Variants in STON1 observed in about 807,000 individuals in gnomAD.
STON1 encodes the protein stonin 1.
A neutral mutation model predicts 60.9 loss-of-function variants in STON1; 79 were observed. The observed-to-expected ratio is 1.30, with a 90% CI of 1.08 to 1.56. The LOEUF (loss-of-function observed/expected upper bound fraction) is 1.56, where lower values mean the gene tolerates loss of function less well. Ranked by LOEUF, STON1 falls within the 40% of genes most tolerant of loss-of-function variation. The pLI, the probability that STON1 is intolerant of heterozygous loss-of-function variation, is 0.00. For synonymous variants in STON1, 363 were observed against 306.9 expected (o/e 1.18, Z -1.91); for missense variants, 1,166 against 858.9 (o/e 1.36, Z -4.47).
At chr2:48,573,213 C>A (rs145823909) in intron 1 of STON1, among the ~76,000 whole-genome samples, 115 of 152,286 alleles carry the variant, frequency 7.6e-4, no homozygotes, top group African/African-American at 2.6e-3. Context: ...CAGGGACTTT[C>A]ATTTTCTGTC....
intron 1 of STON1, among the ~76,000 whole-genome samples, chr2:48,537,049 A>G (rs1252180725): frequency 6.6e-6 from 1 of 152,204 alleles, no homozygotes; most frequent in Non-Finnish European, 1.5e-5. Context: ...TTCTATATAG[A>G]CAATCATAAA....
Position 48,555,222 on chromosome 2 carries a change from G to T in STON1, c.-48+25006G>T, listed in dbSNP as rs1257388827. 1.8e-5 allele frequency among the ~76,000 whole-genome samples: 2 copies of T among 109,214 alleles called. 1 individual carries two copies. Among genetic ancestry groups the T allele is most frequent in the Non-Finnish European group, 3.9e-5 (2 of 51,450 alleles). 71.6% of individuals were successfully genotyped at this position (109,214 alleles called of 152,430 possible). ...AAAGCCGCCATTGTCATCCTGGCCCGTTCTCAATGAGCTGTTGGGCACACC... is the reference window on the plus strand; with the variant it reads ...AAAGCCGCCATTGTCATCCTGGCCCTTTCTCAATGAGCTGTTGGGCACACC... On this transcript the variant is annotated intron_variant, in intron 1 of 3. Transcript: ENST00000404752.
At chr2:48,553,350 C>CCTTCTCTTCCCTTCT (rs1294821411) in intron 1 of STON1, among the ~76,000 whole-genome samples, 35 of 151,584 alleles carry the variant, frequency 2.3e-4, no homozygotes, top group African/African-American at 8.5e-4. Flanking sequence ...CTCTGTAGAC[C>CCTTCTCTTCCCTTCT]CTTCCCTTCC....
At chr2:48,574,958 T>C (rs1673398879) in intron 1 of STON1, among the ~76,000 whole-genome samples, 1 of 152,228 alleles carries the variant, frequency 6.6e-6, no homozygotes, top group Admixed American at 6.5e-5. Context: ...GTACAGCAAA[T>C]CTCTAGAACC....
At chr2:48,592,804 G>A (rs1420304705) in intron 3 of STON1, among the ~76,000 whole-genome samples, 1 of 151,778 alleles carries the variant, frequency 6.6e-6, no homozygotes, top group Non-Finnish European at 1.5e-5. Flanking sequence ...AAATAGAGAT[G>A]GGATCTCACT....
chr2:48,539,558 G>A (rs1671574121), intron 1 of STON1, among the ~76,000 whole-genome samples: 1 of 152,060 alleles, frequency 6.6e-6, no homozygotes, highest in Non-Finnish European at 1.5e-5. Context: ...CTGGAGTGCA[G>A]TGGTGTGATC....
At chr2:48,562,886 C>T (rs918626436) in intron 1 of STON1, among the ~76,000 whole-genome samples, 1 of 152,224 alleles carries the variant, frequency 6.6e-6, no homozygotes, top group Non-Finnish European at 1.5e-5. Context: ...GGAGCTTCCT[C>T]CTTGATAACT....
At chr2:48,541,714 A>C (rs1355715478) in intron 1 of STON1, among the ~76,000 whole-genome samples, 3 of 151,032 alleles carry the variant, frequency 2.0e-5, no homozygotes, top group Non-Finnish European at 4.4e-5. Flanking sequence ...AAAAAAAAAA[A>C]AAAAAAAAAC....
chr2:48,568,259 G>A (rs1437631485), intron 1 of STON1, among the ~76,000 whole-genome samples: 1 of 152,148 alleles, frequency 6.6e-6, no homozygotes, highest in Non-Finnish European at 1.5e-5. Flanking sequence ...CCAGACATTA[G>A]GGACCACATT....
At chr2:48,552,485 G>A (rs1213109694) in intron 1 of STON1, among the ~76,000 whole-genome samples, 2 of 152,154 alleles carry the variant, frequency 1.3e-5, no homozygotes, top group Non-Finnish European at 2.9e-5. Flanking sequence ...CTTACAGGCC[G>A]GGTGTGGTGG....
chr2:48,557,735 CA>C (rs1421854530), intron 1 of STON1, among the ~76,000 whole-genome samples: 6 of 152,234 alleles, frequency 3.9e-5, no homozygotes, highest in South Asian at 2.1e-4. Flanking sequence ...GGGCTAAGTG[CA>C]AAATTTTTTG....
At chr2:48,551,948 C>T (rs1353385612) in intron 1 of STON1, among the ~76,000 whole-genome samples, 1 of 152,232 alleles carries the variant, frequency 6.6e-6, no homozygotes, top group African/African-American at 2.4e-5. Flanking sequence ...ACTTCACCTA[C>T]TCTGAGGGTT....
intron 2 of STON1, among the ~76,000 whole-genome samples, chr2:48,583,376 A>G (rs1674011351): frequency 1.3e-5 from 2 of 152,212 alleles, no homozygotes; most frequent in Admixed American, 1.3e-4. Context: ...GGTGTGAGCC[A>G]CCTCATCTGG....
chr2:48,535,690 C>T (rs1299494282), intron 1 of STON1, among the ~76,000 whole-genome samples: 1 of 152,096 alleles, frequency 6.6e-6, no homozygotes, highest in Non-Finnish European at 1.5e-5. Flanking sequence ...TGCCTTCTCC[C>T]TGGTAGCTTT....
chr2:48,531,199 T>A (rs1558557690), intron 1 of STON1: 1 of 152,130 alleles, frequency 6.6e-6, no homozygotes, highest in Non-Finnish European at 1.5e-5. Context: ...GGCTAGAAGT[T>A]TTAATTTGCC....
In STON1 at chr2:48,530,170, T is replaced by C; in HGVS notation, c.-94T>C. On this transcript the variant is annotated 5_prime_UTR_variant, in exon 1 of 4. Coordinates refer to ENST00000404752, the MANE Select transcript of STON1 (RefSeq NM_006873.4). Reference sequence around the variant, plus strand: ...CTCCCCCTCCTCTTCCTCCGCCTCCTGGTGTGGCTGGCTGCGGCCAGAATC... The same window carrying C: ...CTCCCCCTCCTCTTCCTCCGCCTCCCGGTGTGGCTGGCTGCGGCCAGAATC... The C allele has an allele frequency of 2.6e-6, 1 of 388,488 alleles. No homozygotes were observed. The highest frequency in any genetic ancestry group is 4.9e-6 in the Non-Finnish European group (1 of 203,688). 24.1% of individuals were successfully genotyped at this position (388,488 alleles called of 1,614,324 possible).
At chr2:48,538,818 A>G (rs966922910) in intron 1 of STON1, among the ~76,000 whole-genome samples, 2 of 125,512 alleles carry the variant, frequency 1.6e-5, no homozygotes, top group Non-Finnish European at 3.2e-5. Flanking sequence ...CAGTTTTGCC[A>G]TGTTGGCCAG....
At position 48,581,009 on chromosome 2, in the gene STON1, A is replaced by G; in HGVS notation, c.376A>G (p.Thr126Ala). Residue 126 changes from threonine to alanine, a missense_variant, in exon 2 of 4, where the codon ACC (threonine) becomes GCC (alanine). Thr to Ala is a moderately conservative substitution (Grantham distance 58, BLOSUM62 0). Coordinates refer to ENST00000404752, the MANE Select transcript of STON1 (RefSeq NM_006873.4). ...AGGAGGAGAATCTTCCTTACTGCCT[A>G]CCAGACCAACATGTTTATCCCATGC... ...ISGGESSLLP[T>A]RPTCLSHALL... is the part of the protein sequence containing the mutation. 1 of 1,573,066 alleles carries G rather than the reference A, an allele frequency of 6.4e-7. No individual in the cohort carries two copies. Among genetic ancestry groups the G allele is most frequent in the South Asian group, 1.2e-5 (1 of 82,200 alleles).
chr2:48,581,073 C>T lies in STON1; in HGVS notation c.440C>T (p.Pro147Leu). ...PSDHSCTHPT[P>L]KVGLPDEVNP... Reference sequence around the variant, plus strand: ...GACCACTCATGTACACATCCAACTCCCAAAGTAGGTCTTCCAGATGAAGTT... The same window carrying T: ...GACCACTCATGTACACATCCAACTCTCAAAGTAGGTCTTCCAGATGAAGTT... The change falls in exon 2 of 4, where the codon CCC becomes CTC. Residue 147 changes from proline to leucine, a missense_variant. Physicochemically the swap from Pro to Leu is moderately conservative, Grantham distance 98. Transcript: ENST00000404752. 1 of 1,598,476 alleles carries T rather than the reference C, an allele frequency of 6.3e-7. No individual in the cohort carries two copies. Among genetic ancestry groups the T allele is most frequent in the East Asian group, 2.2e-5 (1 of 44,840 alleles).
Sources: gnomAD v4.1 joint callset for allele counts (sites outside exome capture counted in the v4.1 genomes callset) on GRCh38, gnomAD v4.1.1 for gene constraint, MANE v1.5 for transcripts, NCBI Gene and HGNC (gene_info 2026-07-23, HGNC 2026-07-21) for gene names.